Variants in PCCA observed in about 807,000 individuals in gnomAD.
PCCA encodes the protein propionyl-CoA carboxylase alpha chain, mitochondrial.
Under a neutral mutation model 101.3 loss-of-function variants are expected in PCCA, and 74 were observed. The observed-to-expected ratio is 0.73, with a 90% CI of 0.61 to 0.89. PCCA has a LOEUF of 0.89. Ranked by LOEUF, PCCA falls within the 40% of genes least tolerant of loss-of-function variation. PCCA has a pLI of 0.00. For synonymous variants in PCCA, 294 were observed against 313.6 expected (o/e 0.94, Z 0.66); for missense variants, 891 against 907.0 (o/e 0.98, Z 0.23).
At chr13:100,302,010 T>G (rs1414111061) in intron 13 of PCCA, among the ~76,000 whole-genome samples, 1 of 152,194 alleles carries the variant, frequency 6.6e-6, no homozygotes, top group Non-Finnish European at 1.5e-5. Context: ...TAGTTGTTGA[T>G]CAGATATTTA....
chr13:100,413,808 G>C (rs2078196290), intron 19 of PCCA, among the ~76,000 whole-genome samples: 1 of 152,188 alleles, frequency 6.6e-6, no homozygotes, highest in Non-Finnish European at 1.5e-5. Context: ...TAATCAGGTA[G>C]GGGAGCGAAA....
At chr13:100,359,012 A>C (rs967121752) in intron 18 of PCCA, among the ~76,000 whole-genome samples, 6 of 124,866 alleles carry the variant, frequency 4.8e-5, no homozygotes, top group African/African-American at 1.8e-4. Context: ...CAGGAGAATC[A>C]CTTGAACCTG....
At chr13:100,240,323 C>T (rs1176734320) in intron 8 of PCCA, among the ~76,000 whole-genome samples, 1 of 151,828 alleles carries the variant, frequency 6.6e-6, no homozygotes, top group Non-Finnish European at 1.5e-5. Flanking sequence ...ATACTTCAGT[C>T]ACATTAGCTT....
chr13:100,172,529 T>A (rs1423672199), intron 6 of PCCA, among the ~76,000 whole-genome samples: 1 of 152,206 alleles, frequency 6.6e-6, no homozygotes, highest in African/African-American at 2.4e-5. Context: ...ACGTAAAGAC[T>A]ATGTAGTTTT....
intron 19 of PCCA, among the ~76,000 whole-genome samples, chr13:100,374,129 TAAATA>T (rs992963742): frequency 5.3e-5 from 8 of 151,298 alleles, no homozygotes; most frequent in African/African-American, 1.7e-4. Context: ...AATAAATAAA[TAAATA>T]AAATAAAAAA....
intron 12 of PCCA, among the ~76,000 whole-genome samples, chr13:100,277,992 T>C (rs548242944): frequency 6.6e-6 from 1 of 152,254 alleles, no homozygotes. Context: ...TAAATACTTG[T>C]AGCATTTTAT....
At chr13:100,115,562 C>A (rs1287391269) in intron 4 of PCCA, among the ~76,000 whole-genome samples, 1 of 151,874 alleles carries the variant, frequency 6.6e-6, no homozygotes, top group African/African-American at 2.4e-5. Flanking sequence ...CCTGTATACC[C>A]ACAAAAATAA....
intron 20 of PCCA, among the ~76,000 whole-genome samples, chr13:100,447,185 C>A (rs959731561): frequency 3.9e-5 from 6 of 152,142 alleles, no homozygotes; most frequent in African/African-American, 1.4e-4. Context: ...GAGTTCGAGA[C>A]CAGCCTGGCC....
At chr13:100,245,191 A>G (rs984704098) in intron 8 of PCCA, among the ~76,000 whole-genome samples, 2 of 152,202 alleles carry the variant, frequency 1.3e-5, no homozygotes, top group African/African-American at 4.8e-5. Flanking sequence ...TTATGATCAA[A>G]TAAAAAATGA....
chr13:100,101,304 T>C (rs2047259158), intron 1 of PCCA, among the ~76,000 whole-genome samples: 1 of 152,220 alleles, frequency 6.6e-6, no homozygotes, highest in Admixed American at 6.5e-5. Flanking sequence ...GACCAATCTG[T>C]GGTTAAATCT....
intron 4 of PCCA, among the ~76,000 whole-genome samples, chr13:100,117,577 G>C (rs1006794662): frequency 1.3e-5 from 2 of 151,824 alleles, no homozygotes; most frequent in African/African-American, 4.8e-5. Context: ...GAACAATGAA[G>C]ACACTTGGAC....
intron 6 of PCCA, among the ~76,000 whole-genome samples, chr13:100,166,540 C>T (rs544339965): frequency 6.6e-6 from 1 of 152,292 alleles, no homozygotes; most frequent in East Asian, 1.9e-4. Context: ...CTCAAGTGAG[C>T]TGCCTGCCTC....
At chr13:100,089,281 G>A in intron 1 of PCCA, 56 bp downstream of exon 1, 2 of 1,370,398 alleles carry the variant, frequency 1.5e-6, no homozygotes, top group Non-Finnish European at 1.9e-6. Flanking sequence ...TAGCCGTGCC[G>A]CCTCTGGGCG....
rs59006834 is a variant in PCCA at position 100,213,612 on chromosome 13, T to G, written c.600+4149T>G. Among the ~76,000 whole-genome samples, 1,182 of 152,324 alleles carry G rather than the reference T, an allele frequency of 7.8e-3. 16 individuals are homozygous for G. Among genetic ancestry groups the G allele is most frequent in the African/African-American group, 0.027 (1,128 of 41,574 alleles). On this transcript the variant is annotated intron_variant, in intron 7 of 23. Coordinates refer to ENST00000376285, the MANE Select transcript of PCCA (RefSeq NM_000282.4). The stretch of plus-strand genomic sequence containing the variant: ...TTTTTTCTTGTTGAGTTGTTTGAGC[T>G]CCTTATATATTCTGGTTATTAATCT...
intron 8 of PCCA, among the ~76,000 whole-genome samples, chr13:100,240,369 G>GTT (rs35401040): frequency 7.8e-5 from 11 of 141,342 alleles, no homozygotes; most frequent in Admixed American, 2.1e-4. Flanking sequence ...CTTAGGATAA[G>GTT]TTTTTTTTTT....
At chr13:100,274,053 A>G (rs2063482965) in intron 12 of PCCA, among the ~76,000 whole-genome samples, 1 of 152,234 alleles carries the variant, frequency 6.6e-6, no homozygotes, top group Non-Finnish European at 1.5e-5. Context: ...AAGTATTTAC[A>G]AAACAGCCAG....
At chr13:100,288,994 G>A (rs1265230426) in intron 12 of PCCA, among the ~76,000 whole-genome samples, 1 of 152,070 alleles carries the variant, frequency 6.6e-6, no homozygotes, top group Non-Finnish European at 1.5e-5. Context: ...TTCCTCAGTT[G>A]TTCCTCTCTT....
intron 4 of PCCA, among the ~76,000 whole-genome samples, chr13:100,126,803 T>A (rs1566529486): frequency 6.6e-6 from 1 of 152,186 alleles, no homozygotes; most frequent in South Asian, 2.1e-4. Flanking sequence ...CATTTTTTTT[T>A]ATTATTGTGA....
At chr13:100,252,302 T>C (rs1400143579) in intron 8 of PCCA, among the ~76,000 whole-genome samples, 2 of 152,226 alleles carry the variant, frequency 1.3e-5, no homozygotes, top group Non-Finnish European at 1.5e-5. Flanking sequence ...ATAGGTGTTT[T>C]GCAATTGGTT....
Sources: gnomAD v4.1 joint callset for allele counts (sites outside exome capture counted in the v4.1 genomes callset) on GRCh38, gnomAD v4.1.1 for gene constraint, MANE v1.5 for transcripts, NCBI Gene and HGNC (gene_info 2026-07-23, HGNC 2026-07-21) for gene names.